The following SETBP1 variants were observed in gnomAD, a reference collection of about 807,000 sequenced individuals.
The protein encoded by SETBP1 is SET-binding protein.
In SETBP1, 9 loss-of-function variants were observed where a neutral mutation model predicts 101.0. That is an observed-to-expected ratio of 0.09 (90% CI 0.05 to 0.16). The LOEUF (loss-of-function observed/expected upper bound fraction) is 0.16. SETBP1 is among the 10% of genes least tolerant of loss of function. SETBP1 has a pLI of 1.00. For missense variants in SETBP1, 1,858 were observed against 2,033.8 expected (o/e 0.91, Z 1.66); for synonymous variants, 818 against 788.5 (o/e 1.04, Z -0.63).
Position 44,950,861 on chromosome 18 carries a change from A to AACGTGC in SETBP1, c.1524_1529dup (p.Cys509_Thr510dup). ...AGCCACCCATGGTCATGACACCTCCAACGTGCACAGATCACTCTCCATCCA... is the reference window on the plus strand; with the variant it reads ...AGCCACCCATGGTCATGACACCTCCAACGTGCACGTGCACAGATCACTCTCCATCCA... On this transcript the variant is annotated inframe_insertion, in exon 4 of 6. Coordinates refer to ENST00000649279, the MANE Select transcript of SETBP1 (RefSeq NM_015559.3). 6.2e-7 allele frequency: 1 copy of AACGTGC among 1,614,168 alleles called. No individual in the cohort carries two copies. The highest frequency in any genetic ancestry group is 8.5e-7 in the Non-Finnish European group (1 of 1,180,024).
chr18:44,815,214 C>T (rs2071949542), intron 2 of SETBP1, among the ~76,000 whole-genome samples: 1 of 152,198 alleles, frequency 6.6e-6, no homozygotes, highest in African/African-American at 2.4e-5. Context: ...GTATTGTTCC[C>T]ACCGTTAGGA....
chr18:44,791,122 G>A (rs2071362739), intron 2 of SETBP1, among the ~76,000 whole-genome samples: 1 of 152,064 alleles, frequency 6.6e-6, no homozygotes, highest in Admixed American at 6.5e-5. Flanking sequence ...GTGCGCTGAA[G>A]GCAGGATTTT....
intron 3 of SETBP1, among the ~76,000 whole-genome samples, chr18:44,910,702 G>C (rs921693446): frequency 6.6e-6 from 1 of 152,138 alleles, no homozygotes; most frequent in Non-Finnish European, 1.5e-5. Context: ...CCTAGAGGGG[G>C]TTTTATCTAT....
At chr18:45,033,136 T>C (rs1354361932) in intron 4 of SETBP1, among the ~76,000 whole-genome samples, 2 of 152,132 alleles carry the variant, frequency 1.3e-5, no homozygotes, top group Admixed American at 6.6e-5. Context: ...AAAAGAACAA[T>C]AGAATAATCT....
chr18:44,726,418 T>C (rs950816823), intron 2 of SETBP1, among the ~76,000 whole-genome samples: 1 of 152,326 alleles, frequency 6.6e-6, no homozygotes, highest in Middle Eastern at 3.4e-3. Flanking sequence ...CAAATGTATA[T>C]GTAATCCTCC....
intron 2 of SETBP1, among the ~76,000 whole-genome samples, chr18:44,834,314 A>G (rs1403215224): frequency 1.3e-5 from 2 of 152,180 alleles, no homozygotes; most frequent in Non-Finnish European, 2.9e-5. Flanking sequence ...TACTAATGAG[A>G]TACCTCTTTA....
At chr18:44,848,694 G>A (rs1480184972) in intron 2 of SETBP1, among the ~76,000 whole-genome samples, 1 of 152,238 alleles carries the variant, frequency 6.6e-6, no homozygotes, top group Non-Finnish European at 1.5e-5. Context: ...GAGAAGGGTT[G>A]CAGATTACAT....
chr18:44,960,205 C>T (rs998320259), intron 4 of SETBP1, among the ~76,000 whole-genome samples: 2 of 151,938 alleles, frequency 1.3e-5, no homozygotes, highest in African/African-American at 2.4e-5. Context: ...CCCATAGTGC[C>T]GTTTTATTGG....
rs1181101973 is a variant in SETBP1, at chr18:45,064,798, A to C, written c.*1100A>C. 6.8e-6 allele frequency: 1 copy of C among 147,810 alleles called. No homozygotes were observed. The highest frequency in any genetic ancestry group is 1.5e-5 in the Non-Finnish European group (1 of 67,238). The allele number at this position is 147,810 out of a possible 1,614,324, so 9.2% of individuals were successfully genotyped here. A position where few individuals can be genotyped will look rare whatever the true frequency, so the allele number is the denominator to read the frequency against. On this transcript the variant is annotated 3_prime_UTR_variant, in exon 6 of 6. Coordinates refer to ENST00000649279, the MANE Select transcript of SETBP1 (RefSeq NM_015559.3). Reference sequence around the variant, plus strand: ...GATCTTTTTCATTCAAATAATTGTCATAGGTTGTTCAAAAAAAAAAAAAAA... The same window carrying C: ...GATCTTTTTCATTCAAATAATTGTCCTAGGTTGTTCAAAAAAAAAAAAAAA...
chr18:45,009,107 A>C (rs1190327895), intron 4 of SETBP1, among the ~76,000 whole-genome samples: 1 of 152,072 alleles, frequency 6.6e-6, no homozygotes, highest in Non-Finnish European at 1.5e-5. Context: ...TGCAGGAAGA[A>C]GTGTGTTCCC....
intron 2 of SETBP1, among the ~76,000 whole-genome samples, chr18:44,769,075 C>A (rs1038742226): frequency 6.6e-6 from 1 of 152,152 alleles, no homozygotes; most frequent in Non-Finnish European, 1.5e-5. Context: ...GCTAACTGCT[C>A]AGGGCTGAAC....
chr18:45,024,327 C>T (rs1432947341), intron 4 of SETBP1, among the ~76,000 whole-genome samples: 2 of 152,206 alleles, frequency 1.3e-5, no homozygotes, highest in African/African-American at 2.4e-5. Context: ...ATCCTGTACT[C>T]ACCTCTCTGG....
intron 3 of SETBP1, among the ~76,000 whole-genome samples, chr18:44,898,925 A>T (rs958157410): frequency 6.6e-6 from 1 of 152,164 alleles, no homozygotes. Context: ...TTGGCTTTCC[A>T]TGTGTTTTTT....
intron 2 of SETBP1, among the ~76,000 whole-genome samples, chr18:44,802,007 A>G (rs937077111): frequency 3.3e-5 from 5 of 152,166 alleles, no homozygotes; most frequent in African/African-American, 9.7e-5. Flanking sequence ...GACAGCCTGT[A>G]GGTGAACTCT....
chr18:44,905,302 G>A (rs2070146971), intron 3 of SETBP1, among the ~76,000 whole-genome samples: 1 of 152,078 alleles, frequency 6.6e-6, no homozygotes, highest in Non-Finnish European at 1.5e-5. Flanking sequence ...AAAAGATATG[G>A]GAATATGCAG....
intron 2 of SETBP1, among the ~76,000 whole-genome samples, chr18:44,764,953 C>T (rs1317644140): frequency 6.6e-6 from 1 of 152,152 alleles, no homozygotes; most frequent in African/African-American, 2.4e-5. Context: ...GCACAGAGTG[C>T]ATGTTCAACA....
intron 4 of SETBP1, among the ~76,000 whole-genome samples, chr18:44,995,527 TTTTGTGTGTG>T (rs1321162269): frequency 2.8e-5 from 3 of 107,166 alleles, no homozygotes; most frequent in African/African-American, 1.2e-4. Context: ...ATGTCCAGGC[TTTTGTGTGTG>T]TGTGTGTGTG....
rs148488467 is a variant in SETBP1, at chr18:44,995,207, T to A, written c.4000+41867T>A. 1.1e-3 allele frequency among the ~76,000 whole-genome samples: 159 copies of A among 148,702 alleles called. 2 individuals are homozygous for A. In the East Asian group the frequency reaches 0.029, roughly 27 times the overall value. ...CCCAGGCTGGAGTGCAGTGGCGCGATCTTGGCTCACTGCAAGCTCCGCCTC... is the reference window on the plus strand; with the variant it reads ...CCCAGGCTGGAGTGCAGTGGCGCGAACTTGGCTCACTGCAAGCTCCGCCTC... On this transcript the variant is annotated intron_variant, in intron 4 of 5. Coordinates refer to ENST00000649279, the MANE Select transcript of SETBP1 (RefSeq NM_015559.3).
chr18:44,728,385 G>A (rs1047655947), intron 2 of SETBP1, among the ~76,000 whole-genome samples: 21 of 152,090 alleles, frequency 1.4e-4, no homozygotes, highest in African/African-American at 3.6e-4. Context: ...CAAGGCATGC[G>A]GGTCTCGGGA....
Sources: allele counts gnomAD v4.1 joint callset (sites outside exome capture counted in the v4.1 genomes callset), GRCh38; gene constraint gnomAD v4.1.1; transcripts MANE v1.5; gene names NCBI Gene and HGNC (gene_info 2026-07-23, HGNC 2026-07-21).